The following KANSL1L variants were observed in gnomAD, a reference collection of about 807,000 sequenced individuals.
KANSL1L encodes KAT8 regulatory NSL complex subunit 1-like protein.
Under a neutral mutation model 108.6 loss-of-function variants are expected in KANSL1L, and 25 were observed. The ratio of observed to expected loss-of-function variants is 0.23; its 90% CI spans 0.17 to 0.32. KANSL1L has a LOEUF of 0.32. Among genes scored for constraint, KANSL1L ranks in the 10% least tolerant of loss-of-function variants. The probability of loss-of-function intolerance (pLI) is 1.00; values close to 1 mark genes in which losing one functional copy is unlikely to be tolerated. For synonymous variants in KANSL1L, 405 were observed against 395.1 expected (o/e 1.03, Z -0.30); for missense variants, 1,137 against 1,125.7 (o/e 1.01, Z -0.14).
chr2:210,080,085 G>A (rs143435938), intron 5 of KANSL1L, among the ~76,000 whole-genome samples: 317 of 150,932 alleles, frequency 2.1e-3, no homozygotes, highest in Non-Finnish European at 4.2e-3. Flanking sequence ...CAATTATTTG[G>A]AAAGAACAAT....
intron 13 of KANSL1L, 149 bp downstream of exon 13, chr2:210,024,955 C>A: frequency 1.7e-6 from 1 of 579,990 alleles, no homozygotes; most frequent in East Asian, 2.8e-5. Context: ...AATACAAGCT[C>A]ATTCTATGTA....
At chr2:210,089,076 AG>A (rs1159316796) in intron 5 of KANSL1L, 1 of 154,478 alleles carries the variant, frequency 6.5e-6, no homozygotes, top group Non-Finnish European at 1.4e-5. Flanking sequence ...TTTCTTAAGC[AG>A]AATCTCATTA....
intron 2 of KANSL1L, among the ~76,000 whole-genome samples, chr2:210,132,237 T>C (rs548401089): frequency 6.6e-6 from 1 of 152,320 alleles, no homozygotes; most frequent in South Asian, 2.1e-4. Context: ...ACTTATATAA[T>C]CAATGTTAAT....
chr2:210,093,431 G>A (rs1172477603), intron 5 of KANSL1L, among the ~76,000 whole-genome samples: 7 of 152,048 alleles, frequency 4.6e-5, no homozygotes, highest in African/African-American at 1.7e-4. Flanking sequence ...CAGGCATGAG[G>A]AATCTCAACT....
chr2:210,110,942 A>G (rs1310087749), intron 3 of KANSL1L, among the ~76,000 whole-genome samples: 1 of 151,884 alleles, frequency 6.6e-6, no homozygotes, highest in African/African-American at 2.4e-5. Context: ...CGAAACCCCA[A>G]ACCCACCAAA....
intron 8 of KANSL1L, among the ~76,000 whole-genome samples, chr2:210,034,578 T>C (rs751850344): frequency 1.2e-4 from 19 of 152,122 alleles, no homozygotes; most frequent in Non-Finnish European, 2.4e-4. Flanking sequence ...GACATTAGAT[T>C]TGCATTTTGA....
At chr2:210,081,738 G>A (rs1282775453) in intron 5 of KANSL1L, among the ~76,000 whole-genome samples, 4 of 152,060 alleles carry the variant, frequency 2.6e-5, no homozygotes, top group Non-Finnish European at 1.5e-5. Flanking sequence ...TTCCAGCCCT[G>A]GGTTTAGTAC....
chr2:210,125,215 C>T (rs938373840), intron 3 of KANSL1L, among the ~76,000 whole-genome samples: 3 of 151,960 alleles, frequency 2.0e-5, no homozygotes, highest in African/African-American at 4.8e-5. Flanking sequence ...GATTGCGCCA[C>T]GGCACTCCAG....
chr2:210,106,167 A>T (rs533608872), intron 3 of KANSL1L, among the ~76,000 whole-genome samples: 1 of 152,116 alleles, frequency 6.6e-6, no homozygotes, highest in Non-Finnish European at 1.5e-5. Flanking sequence ...AGGAAATTTC[A>T]AACCTACTCT....
intron 6 of KANSL1L, among the ~76,000 whole-genome samples, chr2:210,070,745 G>C (rs923198436): frequency 6.6e-6 from 1 of 152,164 alleles, no homozygotes; most frequent in East Asian, 1.9e-4. Context: ...GATGTCAGCA[G>C]GATTGGTTTC....
intron 6 of KANSL1L, among the ~76,000 whole-genome samples, chr2:210,070,248 T>TC (rs1311219132): frequency 1.4e-5 from 2 of 140,780 alleles, no homozygotes; most frequent in Non-Finnish European, 3.1e-5. Context: ...TTTTTTTTTT[T>TC]GAGATGGAGT....
At chr2:210,091,466 A>G (rs2125385823) in intron 5 of KANSL1L, among the ~76,000 whole-genome samples, 1 of 152,292 alleles carries the variant, frequency 6.6e-6, no homozygotes, top group East Asian at 1.9e-4. Flanking sequence ...ATATGAAGCA[A>G]TAACTCCCCT....
At chr2:210,091,064 T>G (rs949207737) in intron 5 of KANSL1L, among the ~76,000 whole-genome samples, 1 of 152,184 alleles carries the variant, frequency 6.6e-6, no homozygotes, top group Non-Finnish European at 1.5e-5. Flanking sequence ...AGATGACTTT[T>G]ATCAGGAAAG....
chr2:210,153,730 T>C lies in KANSL1L; in HGVS notation c.853A>G (p.Ser285Gly), dbSNP rs1204611085. ...FHEPTTILGN[S>G]LPKCTEIKPE... ...TTAATTTCAGTGCATTTAGGTAAAC[T>C]ATTACCCAAAATTGTGGTAGGTTCA... The change falls in exon 2 of 15, where the codon AGT (serine) becomes GGT (glycine). Residue 285 changes from serine (S) to glycine (G), a missense_variant. Transcript: ENST00000281772. 2 of 1,605,708 alleles carry C rather than the reference T, an allele frequency of 1.2e-6. No homozygotes were observed. The highest frequency in any genetic ancestry group is 1.3e-5 in the African/African-American group (1 of 74,612).
At chr2:210,076,826 G>T (rs1053733406) in intron 5 of KANSL1L, among the ~76,000 whole-genome samples, 1 of 151,638 alleles carries the variant, frequency 6.6e-6, no homozygotes, top group Admixed American at 6.6e-5. Flanking sequence ...GCCCTACAAG[G>T]TACCAATTTT....
intron 3 of KANSL1L, among the ~76,000 whole-genome samples, chr2:210,124,510 GA>G (rs2095048255): frequency 1.3e-5 from 2 of 151,750 alleles, no homozygotes; most frequent in East Asian, 3.9e-4. Context: ...GCTAAGGGGG[GA>G]GTTTATAGTT....
At chr2:210,085,882 AAAAGT>A (rs1469150274) in intron 5 of KANSL1L, among the ~76,000 whole-genome samples, 1 of 150,116 alleles carries the variant, frequency 6.7e-6, no homozygotes, top group Non-Finnish European at 1.5e-5. Flanking sequence ...TTATAAAGGA[AAAAGT>A]AAACTATGTA....
intron 13 of KANSL1L, among the ~76,000 whole-genome samples, chr2:210,024,546 C>CTA (rs959136221): frequency 4.0e-5 from 6 of 151,840 alleles, no homozygotes; most frequent in Non-Finnish European, 5.9e-5. Flanking sequence ...TGAGTTTTGG[C>CTA]TATTTTAAAA....
At chr2:210,089,857 A>G (rs1487447752) in intron 5 of KANSL1L, among the ~76,000 whole-genome samples, 1 of 152,110 alleles carries the variant, frequency 6.6e-6, no homozygotes, top group African/African-American at 2.4e-5. Context: ...CAAGAAAGAA[A>G]ACAACTTCCC....
Sources: gnomAD v4.1 joint callset for allele counts (sites outside exome capture counted in the v4.1 genomes callset) on GRCh38, gnomAD v4.1.1 for gene constraint, MANE v1.5 for transcripts, NCBI Gene and HGNC (gene_info 2026-07-23, HGNC 2026-07-21) for gene names.